PDXK: variants seen among roughly 807,000 people sequenced by gnomAD.
The protein encoded by PDXK is pyridoxal kinase.
In PDXK, 15 loss-of-function variants were observed where a neutral mutation model predicts 43.2. The ratio of observed to expected loss-of-function variants is 0.35; its 90% CI spans 0.23 to 0.53. The LOEUF (loss-of-function observed/expected upper bound fraction) is 0.53. PDXK is among the 20% of genes least tolerant of loss of function. PDXK has a pLI of 0.92. For synonymous variants in PDXK, 172 were observed against 165.4 expected (o/e 1.04, Z -0.31); for missense variants, 343 against 417.0 (o/e 0.82, Z 1.54).
chr21:43,724,311 T>C (rs1394035739), intron 1 of PDXK, among the ~76,000 whole-genome samples: 4 of 152,150 alleles, frequency 2.6e-5, no homozygotes, highest in African/African-American at 9.7e-5. Flanking sequence ...ACCTGACTCC[T>C]ACCTGCTGTG....
chr21:43,746,110 C>A lies in PDXK; in HGVS notation c.363C>A (p.Asp121Glu). 6.2e-7 allele frequency: 1 copy of A among 1,613,290 alleles called. No individual in the cohort carries two copies. The highest frequency in any genetic ancestry group is 1.1e-5 in the South Asian group (1 of 91,076). ...ATCCAGTCTTGGGTGACAAGTGGGA[C>A]GGCGAAGGCTCGATGGTGAGTAGTT... ...VCDPVLGDKW[D>E]GEGSMYVPED... The change falls in exon 5 of 11, where the codon GAC becomes GAA. Residue 121 changes from aspartate (D) to glutamate (E), a missense_variant. Transcript: ENST00000291565.
chr21:43,726,972 CGT>C, intron 1 of PDXK, among the ~76,000 whole-genome samples: 1 of 152,098 alleles, frequency 6.6e-6, no homozygotes, highest in Admixed American at 6.5e-5. Flanking sequence ...GGCATGCATG[CGT>C]GTGTCATGGG....
rs746302221 is a variant in PDXK, at chr21:43,762,075, T to G, written c.*6012T>G. On this transcript the variant is annotated 3_prime_UTR_variant, in exon 11 of 11. Coordinates refer to ENST00000291565, the MANE Select transcript of PDXK (RefSeq NM_003681.5). Reference sequence around the variant, plus strand: ...CTCCCTCCGTGGAATGGAGCTCAGCTCTTCGGAGGCATCAAAGCACCTGTC... The same window carrying G: ...CTCCCTCCGTGGAATGGAGCTCAGCGCTTCGGAGGCATCAAAGCACCTGTC... The G allele has an allele frequency of 6.5e-6, 1 of 153,668 alleles. No homozygotes were observed. The highest frequency in any genetic ancestry group is 1.5e-5 in the Non-Finnish European group (1 of 68,048). The allele number at this position is 153,668 out of a possible 1,614,324, so 9.5% of individuals were successfully genotyped here.
At chr21:43,727,411 C>T (rs997222209) in intron 1 of PDXK, among the ~76,000 whole-genome samples, 1 of 152,228 alleles carries the variant, frequency 6.6e-6, no homozygotes, top group Non-Finnish European at 1.5e-5. Context: ...ATCTATTCCC[C>T]GGCTCTGCAT....
rs1419878215 is a variant in PDXK, at chr21:43,735,114, C to T, written c.142+991C>T. Among the ~76,000 whole-genome samples, 1 of 152,248 alleles carries T rather than the reference C, an allele frequency of 6.6e-6. No homozygotes were observed. The highest frequency in any genetic ancestry group is 2.4e-5 in the African/African-American group (1 of 41,460). ...GGCGGTGCAGATGGACAAGCTCCAG[C>T]TCTCGCTGAAACCCTTTCCTGCCTT... is the stretch of plus-strand genomic sequence containing the variant. On this transcript the variant is annotated intron_variant, in intron 2 of 10. Transcript: ENST00000291565. The surrounding 1 kb of genome is among the most constrained non-coding windows in gnomAD (Gnocchi z 5.3).
intron 6 of PDXK, 50 bp downstream of exon 6, chr21:43,749,130 G>T (rs958056057): frequency 1.1e-5 from 13 of 1,156,888 alleles, no homozygotes; most frequent in African/African-American, 1.6e-5. Context: ...TTCAAGATGG[G>T]TCTCGCTCTT....
chr21:43,753,884 G>T (rs1407389463), intron 9 of PDXK, among the ~76,000 whole-genome samples, 165 bp downstream of exon 9: 2 of 152,236 alleles, frequency 1.3e-5, no homozygotes, highest in African/African-American at 4.8e-5. Context: ...GACAGGAGTT[G>T]CGCCTGTCAC....
Position 43,750,938 on chromosome 21 carries a change from GCACGTGTTTGCACATGTGTGTGCA to G in PDXK, c.510+394_510+417del, listed in dbSNP as rs1568991184. Among the ~76,000 whole-genome samples the G allele has an allele frequency of 3.4e-3, 499 of 145,520 alleles. 3 individuals are homozygous for G. The highest frequency in any genetic ancestry group is 0.012 in the African/African-American group (472 of 38,468). ...TGTGTGCATGTGTGTGCGTATGTGT[GCACGTGTTTGCACATGTGTGTGCA>G]TGTGTGTGTGTGTGTGTGCACATGT... On this transcript the variant is annotated intron_variant, in intron 7 of 10. Transcript: ENST00000291565.
chr21:43,741,892 G>A, intron 3 of PDXK, 121 bp downstream of exon 3: 1 of 694,804 alleles, frequency 1.4e-6, no homozygotes, highest in Non-Finnish European at 2.5e-6. Context: ...CTTCAAGGAG[G>A]GCCTTGGCGT....
intron 2 of PDXK, among the ~76,000 whole-genome samples, chr21:43,739,083 G>A (rs1373564457): frequency 2.0e-5 from 3 of 151,946 alleles, no homozygotes; most frequent in East Asian, 1.9e-4. Context: ...ACAGGCACCC[G>A]CAACCACGCC....
intron 9 of PDXK, 69 bp from the exon 10 acceptor site, chr21:43,755,629 C>T (rs1389448018): frequency 2.3e-6 from 3 of 1,296,550 alleles, no homozygotes; most frequent in African/African-American, 1.4e-5. Flanking sequence ...GAAATCCCCT[C>T]CTGGCAGCAG....
In PDXK at chr21:43,746,066, T is replaced by C; in HGVS notation, c.332-13T>C. On this transcript the variant is annotated splice_polypyrimidine_tract_variant and intron_variant, in intron 4 of 10. Coordinates refer to ENST00000291565, the MANE Select transcript of PDXK (RefSeq NM_003681.5). ...GTAGCCTTTGCTGATAAGATGCCCT[T>C]GTGTCTCTGCAGTGTGTGATCCAGT... 6.2e-7 allele frequency: 1 copy of C among 1,610,254 alleles called. No individual in the cohort carries two copies. The highest frequency in any genetic ancestry group is 8.5e-7 in the Non-Finnish European group (1 of 1,176,416).
rs575421913 is a variant in PDXK, at chr21:43,752,767, C to T, written c.622+138C>T. 4.1e-5 allele frequency: 25 copies of T among 616,924 alleles called. No homozygotes were observed. In the African/African-American group the frequency reaches 4.2e-4, roughly 10 times the overall value. The allele number at this position is 616,924 out of a possible 1,614,324, so 38.2% of individuals were successfully genotyped here. A position where few individuals can be genotyped will look rare whatever the true frequency, so the allele number is the denominator to read the frequency against. On this transcript the variant is annotated intron_variant, in intron 8 of 10. Coordinates refer to ENST00000291565, the MANE Select transcript of PDXK (RefSeq NM_003681.5). ...GCACCGGGATGACACCCCCATTTTA[C>T]AGACTCTCAGGGATCAGGTGGGATT...
chr21:43,722,452 T>C (rs62229213), intron 1 of PDXK, among the ~76,000 whole-genome samples: 3,397 of 152,346 alleles, frequency 0.022, 68 homozygotes, highest in Non-Finnish European at 0.033. Flanking sequence ...TGTAGGGTTA[T>C]GTATGAGTTT....
At chr21:43,751,816 C>A (rs1202888078) in intron 7 of PDXK, among the ~76,000 whole-genome samples, 1 of 152,234 alleles carries the variant, frequency 6.6e-6, no homozygotes, top group Non-Finnish European at 1.5e-5. Context: ...CTGAATATTG[C>A]CACATGGGTG....
At chr21:43,719,596 T>C in intron 1 of PDXK, 1 of 984,896 alleles carries the variant, frequency 1.0e-6, no homozygotes, top group South Asian at 4.7e-5. Flanking sequence ...CCCCTGCGGG[T>C]GGGACGGGTC....
Position 43,750,514 on chromosome 21 carries a change from G to C in PDXK, c.479G>C (p.Arg160Pro). 3.1e-6 allele frequency: 5 copies of C among 1,612,640 alleles called. No individual in the cohort carries two copies. The highest frequency in any genetic ancestry group is 4.2e-6 in the Non-Finnish European group (5 of 1,179,190). ...NQFEAELLSG[R>P]KIHSQEEALR... ...CTGTCTTCCAGGTTACTGAGTGGCC[G>C]GAAGATCCACAGCCAGGAGGAAGCC... is the stretch of plus-strand genomic sequence containing the variant. Residue 160 changes from arginine to proline, a missense_variant, in exon 7 of 11, where the codon CGG becomes CCG. Transcript: ENST00000291565.
chr21:43,745,419 CAA>C (rs112185301), intron 4 of PDXK, among the ~76,000 whole-genome samples: 39 of 99,824 alleles, frequency 3.9e-4, no homozygotes, highest in South Asian at 6.2e-4. Context: ...GACTCCATCT[CAA>C]AAAAAAAAAA....
intron 7 of PDXK, among the ~76,000 whole-genome samples, chr21:43,752,130 C>CGT (rs1568992023): frequency 6.6e-6 from 1 of 152,036 alleles, no homozygotes; most frequent in African/African-American, 2.4e-5. Flanking sequence ...TGTGTGTGCG[C>CGT]GCGCGTGCTG....
Sources: allele counts gnomAD v4.1 joint callset (sites outside exome capture counted in the v4.1 genomes callset), GRCh38; gene constraint gnomAD v4.1.1; non-coding constraint Gnocchi (gnomAD v3.1); transcripts MANE v1.5; gene names NCBI Gene and HGNC (gene_info 2026-07-23, HGNC 2026-07-21).